MBD5: variants seen among roughly 807,000 people sequenced by gnomAD.
MBD5 encodes methyl-CpG binding domain protein 5, also known as methyl-CpG-binding domain protein 5.
A neutral mutation model predicts 117.3 loss-of-function variants in MBD5; 13 were observed. The ratio of observed to expected loss-of-function variants is 0.11; its 90% CI spans 0.07 to 0.18. The LOEUF is 0.18. Ranked by LOEUF, MBD5 falls within the 10% of genes least tolerant of loss-of-function variation. The pLI is 1.00. For missense variants in MBD5, 1,879 were observed against 2,093.8 expected, an observed-to-expected ratio of 0.90 and a Z score of 2.00; for synonymous variants, 727 against 766.4, an observed-to-expected ratio of 0.95 and a Z score of 0.85.
chr2:148,105,348 A>G (rs956885690), intron 1 of MBD5, among the ~76,000 whole-genome samples: 1 of 151,922 alleles, frequency 6.6e-6, no homozygotes, highest in Admixed American at 6.6e-5. Context: ...CTTCTCAAGT[A>G]GCTGGGACTA....
At chr2:148,081,677 C>T (rs1230405401) in intron 1 of MBD5, among the ~76,000 whole-genome samples, 1 of 151,830 alleles carries the variant, frequency 6.6e-6, no homozygotes, top group Non-Finnish European at 1.5e-5. Context: ...TCCTTTTTTT[C>T]AAATGGACCC....
At chr2:148,123,953 A>T (rs1159995734) in intron 1 of MBD5, among the ~76,000 whole-genome samples, 2 of 152,200 alleles carry the variant, frequency 1.3e-5, no homozygotes, top group African/African-American at 4.8e-5. Context: ...TTTTTAAAAG[A>T]AACTTTAATT....
At chr2:148,326,407 CG>C (rs1047437751) in intron 3 of MBD5, among the ~76,000 whole-genome samples, 4 of 151,816 alleles carry the variant, frequency 2.6e-5, no homozygotes, top group African/African-American at 9.7e-5. Flanking sequence ...CTTTCTGTCT[CG>C]TTGATCTGTC....
chr2:148,423,479 A>G (rs865868827), intron 4 of MBD5, among the ~76,000 whole-genome samples: 1 of 152,284 alleles, frequency 6.6e-6, no homozygotes, highest in Middle Eastern at 3.4e-3. Flanking sequence ...GAAATAAAAT[A>G]CTTTACAGAC....
At chr2:148,502,338 C>T (rs1046927411) in intron 11 of MBD5, 98 bp from the exon 12 acceptor site, 7 of 1,069,128 alleles carry the variant, frequency 6.5e-6, no homozygotes, top group South Asian at 5.3e-5. Flanking sequence ...CTCCCCTCCC[C>T]GCCAGTGCAG....
At chr2:148,106,761 G>A (rs1378212794) in intron 1 of MBD5, among the ~76,000 whole-genome samples, 1 of 151,828 alleles carries the variant, frequency 6.6e-6, no homozygotes, top group East Asian at 1.9e-4. Flanking sequence ...TTCAATTTAT[G>A]TGCATACTTT....
chr2:148,481,703 T>A (rs886700445), intron 8 of MBD5: 2 of 152,166 alleles, frequency 1.3e-5, no homozygotes, highest in Non-Finnish European at 2.9e-5. Flanking sequence ...CCCTTGTGCA[T>A]CTGGATCACC....
chr2:148,460,925 C>T (rs1205285876), intron 5 of MBD5, among the ~76,000 whole-genome samples: 3 of 152,036 alleles, frequency 2.0e-5, no homozygotes, highest in African/African-American at 7.3e-5. Context: ...ATCAACAAGA[C>T]ATTATACTTT....
At chr2:148,325,239 G>T (rs1239421483) in intron 3 of MBD5, among the ~76,000 whole-genome samples, 1 of 152,162 alleles carries the variant, frequency 6.6e-6, no homozygotes, top group African/African-American at 2.4e-5. Flanking sequence ...CGGTTTGCCA[G>T]TATTTTATTG....
intron 1 of MBD5, among the ~76,000 whole-genome samples, chr2:148,074,484 G>GTTTTTTTTTTTT (rs777885277): frequency 8.1e-6 from 1 of 123,162 alleles, no homozygotes; most frequent in African/African-American, 3.6e-5. Context: ...GGAATAGTTT[G>GTTTTTTTTTTTT]TTTTTTTTTT....
chr2:148,082,494 A>G (rs1043854112), intron 1 of MBD5, among the ~76,000 whole-genome samples: 19 of 152,062 alleles, frequency 1.2e-4, no homozygotes, highest in Non-Finnish European at 1.5e-4. Context: ...TTGTCCTTCT[A>G]TTTCTTCTCT....
At chr2:148,388,520 A>C (rs1018306346) in intron 4 of MBD5, among the ~76,000 whole-genome samples, 12 of 152,186 alleles carry the variant, frequency 7.9e-5, no homozygotes, top group Non-Finnish European at 1.6e-4. Flanking sequence ...GTGTATACAT[A>C]TTTTATACAT....
intron 3 of MBD5, among the ~76,000 whole-genome samples, chr2:148,266,677 A>G (rs1244490400): frequency 6.6e-6 from 1 of 152,130 alleles, no homozygotes; most frequent in African/African-American, 2.4e-5. Flanking sequence ...ATAAAATAAT[A>G]ACTCCCCTAT....
At chr2:148,274,466 C>T (rs539504344) in intron 3 of MBD5, among the ~76,000 whole-genome samples, 46 of 146,090 alleles carry the variant, frequency 3.1e-4, no homozygotes, top group Non-Finnish European at 5.2e-4. Flanking sequence ...TGTTGCTTAT[C>T]ATTTTACACT....
chr2:148,490,974 A>T (rs1454363545), intron 11 of MBD5, among the ~76,000 whole-genome samples: 2 of 152,210 alleles, frequency 1.3e-5, no homozygotes. Context: ...TTGGAGGTCC[A>T]GGAGTGTGGC....
At chr2:148,158,720 TTTTA>T (rs1031344389) in intron 1 of MBD5, among the ~76,000 whole-genome samples, 1 of 145,808 alleles carries the variant, frequency 6.9e-6, no homozygotes, top group African/African-American at 2.4e-5. Flanking sequence ...TGTTTGTTTG[TTTTA>T]TTTATTTATT....
At chr2:148,274,810 C>T (rs938723014) in intron 3 of MBD5, among the ~76,000 whole-genome samples, 2 of 151,726 alleles carry the variant, frequency 1.3e-5, no homozygotes, top group Admixed American at 6.6e-5. Flanking sequence ...GCAACCTCCG[C>T]CTTCTGGGTT....
At chr2:148,112,900 A>G (rs1696535846) in intron 1 of MBD5, among the ~76,000 whole-genome samples, 1 of 152,154 alleles carries the variant, frequency 6.6e-6, no homozygotes, top group Non-Finnish European at 1.5e-5. Context: ...TAATCCCAGT[A>G]CTTTGAAAAG....
At chr2:148,488,371 T>G (rs1681404495) in intron 10 of MBD5, among the ~76,000 whole-genome samples, 1 of 152,140 alleles carries the variant, frequency 6.6e-6, no homozygotes, top group Admixed American at 6.5e-5. Context: ...TGGGCAGCAA[T>G]AAGCCCTCAA....
Sources: gnomAD v4.1 joint callset for allele counts (sites outside exome capture counted in the v4.1 genomes callset) on GRCh38, gnomAD v4.1.1 for gene constraint, MANE v1.5 for transcripts, NCBI Gene and HGNC (gene_info 2026-07-23, HGNC 2026-07-21) for gene names.